The following PECR variants were observed in gnomAD, a reference collection of about 807,000 sequenced individuals.
The protein encoded by PECR is peroxisomal trans-2-enoyl-CoA reductase.
In PECR, 30 loss-of-function variants were observed where a neutral mutation model predicts 35.3. The observed-to-expected ratio is 0.85, with a 90% CI of 0.64 to 1.15. PECR has a LOEUF of 1.15. PECR is among the 50% of genes most tolerant of loss of function. The probability of loss-of-function intolerance (pLI) is 0.00; values close to 1 mark genes in which losing one functional copy is unlikely to be tolerated. For missense variants in PECR, 392 were observed against 370.8 expected (o/e 1.06, Z -0.47); for synonymous variants, 148 against 138.9 (o/e 1.07, Z -0.46).
intron 7 of PECR, among the ~76,000 whole-genome samples, chr2:216,030,253 A>T (rs13029765): frequency 0.5 from 76,136 of 151,704 alleles, 19,951 homozygotes; most frequent in Admixed American, 0.56. Context: ...TTTTCAAAAT[A>T]ATCTCTTCAT....
chr2:216,036,491 T>G (rs1694794303), downstream of PECR, among the ~76,000 whole-genome samples: 1 of 152,196 alleles, frequency 6.6e-6, no homozygotes, highest in Admixed American at 6.5e-5. Context: ...CTGAACTCCC[T>G]TTGTCCAGGC....
intron 4 of PECR, among the ~76,000 whole-genome samples, chr2:216,055,037 G>A (rs1019344407): frequency 1.3e-5 from 2 of 151,326 alleles, no homozygotes; most frequent in African/African-American, 2.4e-5. Context: ...GCTTGAACCC[G>A]GGAGGCGGAG....
At chr2:216,059,489 T>A (rs1695293004) in intron 3 of PECR, among the ~76,000 whole-genome samples, 1 of 152,246 alleles carries the variant, frequency 6.6e-6, no homozygotes, top group Non-Finnish European at 1.5e-5. Context: ...TTTATCCACT[T>A]ATCAGCTGAT....
intron 1 of PECR, among the ~76,000 whole-genome samples, chr2:216,080,796 C>G (rs1695823982): frequency 6.6e-6 from 1 of 152,076 alleles, no homozygotes; most frequent in South Asian, 2.1e-4. Context: ...TAGTCCATAC[C>G]ATTAGTCTAA....
At chr2:216,072,311 C>T (rs893538323) in intron 1 of PECR, among the ~76,000 whole-genome samples, 1 of 152,204 alleles carries the variant, frequency 6.6e-6, no homozygotes, top group African/African-American at 2.4e-5. Context: ...GCACAGAGTA[C>T]AAAGGCTCTC....
chr2:216,062,116 G>A (rs1031859614), intron 3 of PECR, among the ~76,000 whole-genome samples: 2 of 150,366 alleles, frequency 1.3e-5, no homozygotes, highest in Non-Finnish European at 3.0e-5. Context: ...CGCCATCCCA[G>A]CTCACTGCAA....
At chr2:216,071,798 C>G (rs1290992624) in intron 1 of PECR, among the ~76,000 whole-genome samples, 1 of 152,178 alleles carries the variant, frequency 6.6e-6, no homozygotes, top group Non-Finnish European at 1.5e-5. Context: ...CTATTTATCC[C>G]TACTTATCTC....
At chr2:216,046,237 TTC>T (rs1694986457) in intron 6 of PECR, among the ~76,000 whole-genome samples, 1 of 148,572 alleles carries the variant, frequency 6.7e-6, no homozygotes. Flanking sequence ...TGGTTTTAAT[TTC>T]TAATACAGCA....
At chr2:216,051,674 G>C (rs2105950853) in intron 4 of PECR, 129 bp from the exon 5 acceptor site, 2 of 721,598 alleles carry the variant, frequency 2.8e-6, no homozygotes, top group East Asian at 2.6e-5. Context: ...AGTCTGTCTT[G>C]TTGAGCTTCT....
intron 6 of PECR, among the ~76,000 whole-genome samples, chr2:216,045,943 C>G (rs1574679308): frequency 6.6e-6 from 1 of 151,918 alleles, no homozygotes; most frequent in East Asian, 1.9e-4. Flanking sequence ...TTTGGGAGGC[C>G]GAGGCAGGTG....
intron 2 of PECR, among the ~76,000 whole-genome samples, 193 bp downstream of exon 2, chr2:216,066,192 C>G (rs1695462315): frequency 6.6e-6 from 1 of 152,158 alleles, no homozygotes; most frequent in Admixed American, 6.6e-5. Context: ...ACATTCTTGC[C>G]TCCCTTCCTC....
chr2:216,078,446 C>T (rs373045981), intron 1 of PECR, among the ~76,000 whole-genome samples: 64 of 152,154 alleles, frequency 4.2e-4, no homozygotes, highest in African/African-American at 1.3e-3. Context: ...GCCTGGCCAA[C>T]GTGGTAAAAC....
Position 216,081,605 on chromosome 2 carries a change from C to T in PECR, c.124+13G>A, listed in dbSNP as rs771124328. ...CACAGCCACCTCTCTGCACCAGCGGCCCGCTCACGTACCCAGCTCCAGGAG... is the reference window on the plus strand; with the variant it reads ...CACAGCCACCTCTCTGCACCAGCGGTCCGCTCACGTACCCAGCTCCAGGAG... On this transcript the variant is annotated intron_variant, in intron 1 of 7. Coordinates refer to ENST00000265322, the MANE Select transcript of PECR (RefSeq NM_018441.6). 9 of 1,613,776 alleles carry T rather than the reference C, an allele frequency of 5.6e-6. No homozygotes were observed. In the East Asian group the frequency reaches 8.9e-5, roughly 16 times the overall value.
At chr2:216,041,453 G>A (rs542022161) in intron 7 of PECR, among the ~76,000 whole-genome samples, 4 of 152,280 alleles carry the variant, frequency 2.6e-5, no homozygotes, top group East Asian at 1.9e-4. Context: ...CCACATTGAT[G>A]TTATTAGTAA....
chr2:216,074,538 AAGAAAGG>A (rs1559219577), intron 1 of PECR, among the ~76,000 whole-genome samples: 11 of 132,978 alleles, frequency 8.3e-5, no homozygotes, highest in African/African-American at 2.1e-4. Context: ...GGAAGGAAGG[AAGAAAGG>A]AAGGAAGGAA....
intron 6 of PECR, among the ~76,000 whole-genome samples, chr2:216,046,310 A>ATATATATTTTT (rs1553560626): frequency 2.1e-5 from 2 of 96,958 alleles, no homozygotes; most frequent in Admixed American, 2.4e-4. Context: ...ATATATATAT[A>ATATATATTTTT]TTTTTTTTTT....
At chr2:216,050,184 C>T (rs544788209) in intron 5 of PECR, among the ~76,000 whole-genome samples, 40 of 152,150 alleles carry the variant, frequency 2.6e-4, no homozygotes, top group Admixed American at 5.2e-4. Flanking sequence ...ATCGCACTAC[C>T]GCACTTCAGC....
At chr2:216,067,717 T>C (rs1411504242) in intron 1 of PECR, among the ~76,000 whole-genome samples, 1 of 151,952 alleles carries the variant, frequency 6.6e-6, no homozygotes, top group Non-Finnish European at 1.5e-5. Flanking sequence ...CCACCAGGCC[T>C]GGCTAATTTT....
chr2:216,065,486 G>C lies in PECR; in HGVS notation c.259-9C>G. ...TTGACCAAATTATTCACCTAAAGAAGAACAGTAGAAGTTACTAAAAGGAAA... is the reference window on the plus strand; with the variant it reads ...TTGACCAAATTATTCACCTAAAGAACAACAGTAGAAGTTACTAAAAGGAAA... On this transcript the variant is annotated splice_polypyrimidine_tract_variant and intron_variant, in intron 2 of 7. Transcript: ENST00000265322. The C allele has an allele frequency of 6.4e-7, 1 of 1,554,758 alleles. No individual in the cohort carries two copies. The highest frequency in any genetic ancestry group is 8.9e-7 in the Non-Finnish European group (1 of 1,126,094).
Sources: gnomAD v4.1 joint callset for allele counts (sites outside exome capture counted in the v4.1 genomes callset) on GRCh38, gnomAD v4.1.1 for gene constraint, MANE v1.5 for transcripts, NCBI Gene and HGNC (gene_info 2026-07-23, HGNC 2026-07-21) for gene names.